Variants in RFC1 observed in about 807,000 individuals in gnomAD.
RFC1 encodes the protein replication factor C subunit 1.
RFC1 carries 37 observed loss-of-function variants against 137.4 expected under a neutral mutation model. That is an observed-to-expected ratio of 0.27 (90% confidence interval 0.21 to 0.35). The LOEUF is 0.35. Ranked by LOEUF, RFC1 falls within the 10% of genes least tolerant of loss-of-function variation. RFC1 has a pLI of 1.00. For missense variants in RFC1, 1,205 were observed against 1,358.5 expected (o/e 0.89, Z 1.78); for synonymous variants, 429 against 455.7 (o/e 0.94, Z 0.75).
intron 21 of RFC1, among the ~76,000 whole-genome samples, chr4:39,298,756 A>G (rs2109597515): frequency 6.6e-6 from 1 of 152,376 alleles, no homozygotes; most frequent in South Asian, 2.1e-4. Context: ...CACATCTTAC[A>G]ACCAAAATCT....
intron 4 of RFC1, among the ~76,000 whole-genome samples, chr4:39,331,825 G>T (rs1250857602): frequency 2.6e-5 from 4 of 152,084 alleles, no homozygotes; most frequent in Non-Finnish European, 5.9e-5. Flanking sequence ...TTTTATCTCT[G>T]ATTAGGGAAA....
chr4:39,299,812 G>C (rs1738248902), intron 21 of RFC1, among the ~76,000 whole-genome samples: 1 of 151,660 alleles, frequency 6.6e-6, no homozygotes. Flanking sequence ...CTACTCAGGA[G>C]GCTGAGGCAG....
At position 39,312,882 on chromosome 4, in the gene RFC1, A is replaced by C; in HGVS notation, c.1253T>G (p.Leu418Arg). ...EGLIFVITGV[L>R]ESIERDEAKS... ...GGCCTCATCTCGTTCAATAGACTCC[A>C]GCACGCCTGTGATTACAAATATAAG... The change falls in exon 11 of 25, where the codon CTG (leucine) becomes CGG (arginine). Residue 418 changes from leucine (L) to arginine (R), a missense_variant. Coordinates refer to ENST00000349703, the MANE Select transcript of RFC1 (RefSeq NM_002913.5). 1 of 1,614,110 alleles carries C rather than the reference A, an allele frequency of 6.2e-7. No homozygotes were observed. The highest frequency in any genetic ancestry group is 8.5e-7 in the Non-Finnish European group (1 of 1,180,002).
chr4:39,289,568 C>A (rs1737554561), intron 24 of RFC1: 1 of 307,728 alleles, frequency 3.2e-6, no homozygotes, highest in Non-Finnish European at 5.9e-6. Context: ...TTCTTGAAAG[C>A]ATACACCAAT....
chr4:39,343,121 C>T (rs1415972766), intron 3 of RFC1, among the ~76,000 whole-genome samples: 1 of 152,166 alleles, frequency 6.6e-6, no homozygotes, highest in African/African-American at 2.4e-5. Context: ...CTTCCAGGTT[C>T]AAGCGATTCT....
chr4:39,303,956 A>G (rs1738503503), intron 15 of RFC1, among the ~76,000 whole-genome samples: 1 of 152,230 alleles, frequency 6.6e-6, no homozygotes, highest in African/African-American at 2.4e-5. Flanking sequence ...TATGGCATAT[A>G]TATGCCACTT....
Position 39,289,843 on chromosome 4 carries a change from A to C in RFC1, c.3360+5T>G. 2 of 1,602,162 alleles carry C rather than the reference A, an allele frequency of 1.2e-6. No homozygotes were observed. The highest frequency in any genetic ancestry group is 1.7e-6 in the Non-Finnish European group (2 of 1,169,086). On this transcript the variant is annotated splice_donor_5th_base_variant and intron_variant, in intron 24 of 24. Transcript: ENST00000349703. ...GGTTCTCCTGTCTGTGGCTTAAAAT[A>C]CTACCTTGATCATGGCATCAGTTTC... is the stretch of plus-strand genomic sequence containing the variant.
intron 19 of RFC1, among the ~76,000 whole-genome samples, chr4:39,300,928 T>C (rs1738324166): frequency 6.6e-6 from 1 of 151,710 alleles, no homozygotes; most frequent in Non-Finnish European, 1.5e-5. Flanking sequence ...ACCTCGTCTC[T>C]ACTAAAAATA....
chr4:39,330,561 AGCACTTCAGCAAGGTGGG>A (rs1278623439), intron 4 of RFC1, among the ~76,000 whole-genome samples: 8 of 152,146 alleles, frequency 5.3e-5, no homozygotes, highest in African/African-American at 1.9e-4. Context: ...ACCAGGAGTG[AGCACTTCAGCAAGGTGGG>A]GCCAACTTTA....
chr4:39,333,982 A>C (rs1327379798), intron 4 of RFC1, among the ~76,000 whole-genome samples: 1 of 152,174 alleles, frequency 6.6e-6, no homozygotes, highest in African/African-American at 2.4e-5. Context: ...TGTTAACTAC[A>C]AAATAAACAG....
intron 24 of RFC1, among the ~76,000 whole-genome samples, chr4:39,289,286 G>A (rs1357079060): frequency 3.3e-5 from 5 of 152,110 alleles, no homozygotes; most frequent in African/African-American, 9.7e-5. Flanking sequence ...GGTCGACATG[G>A]GAGCCACAGT....
chr4:39,351,561 T>G, intron 1 of RFC1, 85 bp from the exon 2 acceptor site: 2 of 1,214,352 alleles, frequency 1.6e-6, no homozygotes, highest in Non-Finnish European at 2.2e-6. Context: ...CAGCTTTATG[T>G]ACACACTGGG....
At chr4:39,343,952 A>C (rs2109735420) in intron 3 of RFC1, among the ~76,000 whole-genome samples, 1 of 152,166 alleles carries the variant, frequency 6.6e-6, no homozygotes, top group East Asian at 1.9e-4. Context: ...TTTTCTACTA[A>C]AAGCTACAAA....
chr4:39,319,164 C>A (rs1739393297), intron 9 of RFC1, among the ~76,000 whole-genome samples: 4 of 152,168 alleles, frequency 2.6e-5, no homozygotes, highest in Admixed American at 2.0e-4. Context: ...CCAGGCACTG[C>A]TCTAAGTGCT....
At chr4:39,332,703 T>C (rs1248048848) in intron 4 of RFC1, among the ~76,000 whole-genome samples, 1 of 152,222 alleles carries the variant, frequency 6.6e-6, no homozygotes, top group Non-Finnish European at 1.5e-5. Context: ...AGAAAAAGTT[T>C]ATCTACTTTT....
At chr4:39,331,987 ATAG>A (rs1740127391) in intron 4 of RFC1, among the ~76,000 whole-genome samples, 1 of 152,142 alleles carries the variant, frequency 6.6e-6, no homozygotes, top group Non-Finnish European at 1.5e-5. Context: ...TGTTCTCGTG[ATAG>A]TGAATAACTC....
chr4:39,359,347 G>A (rs941048041), intron 1 of RFC1, among the ~76,000 whole-genome samples: 1 of 152,132 alleles, frequency 6.6e-6, no homozygotes, highest in African/African-American at 2.4e-5. Flanking sequence ...AGAAACTGTG[G>A]GAGATATATA....
chr4:39,293,374 G>A (rs1372809858), intron 22 of RFC1, among the ~76,000 whole-genome samples: 1 of 152,160 alleles, frequency 6.6e-6, no homozygotes, highest in Non-Finnish European at 1.5e-5. Flanking sequence ...CTTAACCTCA[G>A]GAATCTGTAA....
At chr4:39,342,666 A>G (rs1342553624) in intron 3 of RFC1, among the ~76,000 whole-genome samples, 199 bp from the exon 4 acceptor site, 1 of 152,116 alleles carries the variant, frequency 6.6e-6, no homozygotes, top group Non-Finnish European at 1.5e-5. Flanking sequence ...ATGACCACAA[A>G]CTTAGTGGCT....
Sources: allele counts gnomAD v4.1 joint callset (sites outside exome capture counted in the v4.1 genomes callset), GRCh38; gene constraint gnomAD v4.1.1; transcripts MANE v1.5; gene names NCBI Gene and HGNC (gene_info 2026-07-23, HGNC 2026-07-21).